The following NUP153 variants were observed in gnomAD, a reference collection of about 807,000 sequenced individuals.
The protein encoded by NUP153 is nuclear pore complex protein Nup153.
Under a neutral mutation model 134.6 loss-of-function variants are expected in NUP153, and 27 were observed. The observed-to-expected ratio is 0.20, with a 90% CI of 0.15 to 0.28. The LOEUF (loss-of-function observed/expected upper bound fraction) is 0.28. Ranked by LOEUF, NUP153 falls within the 10% of genes least tolerant of loss-of-function variation. The pLI is 1.00. For missense variants in NUP153, 1,821 were observed against 1,731.3 expected, an observed-to-expected ratio of 1.05 and a Z score of -0.92; for synonymous variants, 640 against 623.5, an observed-to-expected ratio of 1.03 and a Z score of -0.40.
In NUP153 at chr6:17,641,147, T is replaced by TA. The variant is rs553051654; in HGVS notation, c.1721-1084dup. On this transcript the variant is annotated intron_variant, in intron 14 of 21. Coordinates refer to ENST00000262077, the MANE Select transcript of NUP153 (RefSeq NM_005124.4). ...TTAAGGGGCGATTTCTATTTACAGA[T>TA]AAAACTAAGATGTTTGGGATTGTTG... Among the ~76,000 whole-genome samples, 5 of 152,306 alleles carry TA rather than the reference T, an allele frequency of 3.3e-5. No individual in the cohort carries two copies. The East Asian group carries it at 9.6e-4, about 29-fold the overall frequency.
At position 17,678,352 on chromosome 6, in the gene NUP153, C is replaced by CAAAAAAAA. The variant is rs11428582; in HGVS notation, c.335-2590_335-2583dup. 6.3e-4 allele frequency among the ~76,000 whole-genome samples: 43 copies of CAAAAAAAA among 68,218 alleles called. 1 individual carries two copies. Among genetic ancestry groups the CAAAAAAAA allele is most frequent in the African/African-American group, 2.2e-3 (35 of 15,710 alleles). 44.8% of individuals were successfully genotyped at this position (68,218 alleles called of 152,430 possible). On this transcript the variant is annotated intron_variant, in intron 2 of 21. Coordinates refer to ENST00000262077, the MANE Select transcript of NUP153 (RefSeq NM_005124.4). ...GCCTGGTTGACAGAACCCTCTGTCT[C>CAAAAAAAA]AAAAAAAAAAAAAAAAAAAAAAAGA...
At chr6:17,668,854 G>A (rs1767715704) in intron 8 of NUP153, 121 bp downstream of exon 8, 4 of 617,774 alleles carry the variant, frequency 6.5e-6, no homozygotes, top group Non-Finnish European at 2.7e-6. Flanking sequence ...AAAAAAAAAA[G>A]AATATTATTT....
chr6:17,647,669 A>AGTTT lies in NUP153; in HGVS notation c.1632+134_1632+137dup, dbSNP rs1408933330. Reference sequence around the variant, plus strand: ...AGTGAAGAATACATGATTGTTCAAAAGTTTTTTACACAGAGTATTTTTTAA... The same window carrying AGTTT: ...AGTGAAGAATACATGATTGTTCAAAAGTTTGTTTTTTACACAGAGTATTTTTTAA... On this transcript the variant is annotated intron_variant, in intron 13 of 21. Transcript: ENST00000262077. 4.9e-6 allele frequency: 3 copies of AGTTT among 611,830 alleles called. No homozygotes were observed. In the African/African-American group the frequency reaches 5.6e-5, roughly 11 times the overall value. The allele number at this position is 611,830 out of a possible 1,614,324, so 37.9% of individuals were successfully genotyped here.
intron 11 of NUP153, among the ~76,000 whole-genome samples, chr6:17,650,115 G>A (rs956026333): frequency 6.6e-6 from 1 of 152,118 alleles, no homozygotes; most frequent in Non-Finnish European, 1.5e-5. Flanking sequence ...CCTGATAAAC[G>A]TTTAGATATA....
In NUP153 at chr6:17,646,056, T is replaced by C. The variant is rs916164430; in HGVS notation, c.1720+11A>G. ...TGTTTGTATGTTAAAATGTAAGAAA[T>C]TTTTACTTACCTGAACTACTTATAA... On this transcript the variant is annotated intron_variant, in intron 14 of 21. Transcript: ENST00000262077. The C allele has an allele frequency of 1.5e-6, 2 of 1,361,270 alleles. No individual in the cohort carries two copies. The highest frequency in any genetic ancestry group is 2.1e-6 in the Non-Finnish European group (2 of 964,604). 84.3% of individuals were successfully genotyped at this position (1,361,270 alleles called of 1,614,324 possible). A position where few individuals can be genotyped will look rare whatever the true frequency, so the allele number is the denominator to read the frequency against.
chr6:17,633,267 T>C (rs1284676587), intron 16 of NUP153, among the ~76,000 whole-genome samples: 5 of 152,166 alleles, frequency 3.3e-5, no homozygotes, highest in Admixed American at 6.5e-5. Context: ...GTAGGCAATA[T>C]CCTAACATAT....
chr6:17,654,498 T>G (rs1158154425), intron 11 of NUP153, among the ~76,000 whole-genome samples: 1 of 152,144 alleles, frequency 6.6e-6, no homozygotes, highest in Non-Finnish European at 1.5e-5. Context: ...ATTTTTGTAT[T>G]TTTAGTACAG....
At chr6:17,693,823 TTGCAGTGAGCTGAGATCGTGCCAC>T (rs1021955500) in intron 1 of NUP153, among the ~76,000 whole-genome samples, 8 of 152,054 alleles carry the variant, frequency 5.3e-5, no homozygotes, top group Non-Finnish European at 1.0e-4. Flanking sequence ...GAGGCAGAGG[TTGCAGTGAGCTGAGATCGTGCCAC>T]TGCACTCCAG....
intron 17 of NUP153, among the ~76,000 whole-genome samples, chr6:17,630,083 G>C (rs1332871266): frequency 1.3e-5 from 2 of 152,176 alleles, no homozygotes; most frequent in Non-Finnish European, 2.9e-5. Context: ...GCGGTATACA[G>C]ACTTTTCTAA....
Position 17,628,395 on chromosome 6 carries a change from T to C in NUP153, c.3544+260A>G, listed in dbSNP as rs1765053552. ...CCCAAACAGAAGAGAAAGACACACA[T>C]AAATATGCACTATATTGAGCTTTGC... On this transcript the variant is annotated intron_variant, in intron 18 of 21. Coordinates refer to ENST00000262077, the MANE Select transcript of NUP153 (RefSeq NM_005124.4). The surrounding 1 kb of genome is among the most constrained non-coding windows in gnomAD (Gnocchi z 5.4). Among the ~76,000 whole-genome samples, 1 of 152,150 alleles carries C rather than the reference T, an allele frequency of 6.6e-6. No individual in the cohort carries two copies. The highest frequency in any genetic ancestry group is 6.5e-5 in the Admixed American group (1 of 15,270).
chr6:17,667,065 C>G (rs1767579766), intron 8 of NUP153, among the ~76,000 whole-genome samples: 1 of 152,142 alleles, frequency 6.6e-6, no homozygotes, highest in South Asian at 2.1e-4. Flanking sequence ...CGATACTCAA[C>G]CATTAGTAAA....
chr6:17,677,742 T>C (rs976109127), intron 2 of NUP153, among the ~76,000 whole-genome samples: 9 of 150,156 alleles, frequency 6.0e-5, no homozygotes, highest in South Asian at 2.1e-4. Context: ...CTTTTTTTTT[T>C]TTTTTTTGAG....
chr6:17,628,860 A>G lies in NUP153; in HGVS notation c.3339T>C (p.Ser1113=), dbSNP rs61734900. 9.8e-3 allele frequency: 15,768 copies of G among 1,614,222 alleles called. 111 individuals carry two copies. Among genetic ancestry groups the G allele is most frequent in the Middle Eastern group, 0.012 (73 of 6,060 alleles). Residue 1113 remains serine (S), a synonymous_variant, in exon 18 of 22, where the codon TCT becomes TCC. Coordinates refer to ENST00000262077, the MANE Select transcript of NUP153 (RefSeq NM_005124.4). This position sits in a 1 kb window ranked among gnomAD's most constrained non-coding sequence, Gnocchi z 5.4. ...CTTTCTTCCCAAAAACTAGGGAAGT[A>G]GAAGTGACAGGCTCTTGCTGTTTCT... is the stretch of plus-strand genomic sequence containing the variant. ...TEEKQQEPVT[S]TSLVFGKKAD...
chr6:17,616,986 G>A (rs186243510), intron 20 of NUP153, among the ~76,000 whole-genome samples: 1 of 152,290 alleles, frequency 6.6e-6, no homozygotes, highest in African/African-American at 2.4e-5. Context: ...TCCTGACCTT[G>A]TGATCTGTCC....
intron 1 of NUP153, among the ~76,000 whole-genome samples, chr6:17,692,327 G>T (rs1769332438): frequency 6.6e-6 from 1 of 152,190 alleles, no homozygotes; most frequent in South Asian, 2.1e-4. Flanking sequence ...GTGGCACAGT[G>T]AATGACAGCA....
intron 1 of NUP153, among the ~76,000 whole-genome samples, chr6:17,698,874 A>G (rs1221923640): frequency 1.3e-5 from 2 of 152,032 alleles, no homozygotes. Flanking sequence ...CTGTCTTAAA[A>G]AAAAAAAAAG....
intron 1 of NUP153, among the ~76,000 whole-genome samples, chr6:17,689,469 C>T (rs1769149219): frequency 2.0e-5 from 3 of 151,510 alleles, no homozygotes; most frequent in Admixed American, 6.6e-5. Context: ...AAAATCTTTT[C>T]TGATGTTGAC....
intron 1 of NUP153, among the ~76,000 whole-genome samples, chr6:17,691,997 AT>A (rs1247570115): frequency 6.6e-6 from 1 of 152,146 alleles, no homozygotes; most frequent in Non-Finnish European, 1.5e-5. Flanking sequence ...AGATTTAAAA[AT>A]TTTTTGGGGG....
chr6:17,688,459 C>T lies in NUP153; in HGVS notation c.271G>A (p.Glu91Lys), dbSNP rs753314232. The change falls in exon 2 of 22, where the codon GAG (glutamate) becomes AAG (lysine). Residue 91 changes from glutamate to lysine, a missense_variant. Transcript: ENST00000262077. ...CCATCAGTAATATTAGAGCTCTCCT[C>T]ATCGGCATATACCAGATGGTCCTCT... ...NKEDHLVYAD[E>K]ESSNITDGRI... 1 of 1,614,182 alleles carries T rather than the reference C, an allele frequency of 6.2e-7. No homozygotes were observed. Among genetic ancestry groups the T allele is most frequent in the Non-Finnish European group, 8.5e-7 (1 of 1,180,024 alleles).
Sources: gnomAD v4.1 joint callset for allele counts (sites outside exome capture counted in the v4.1 genomes callset) on GRCh38, gnomAD v4.1.1 for gene constraint, Gnocchi (gnomAD v3.1) non-coding constraint, MANE v1.5 for transcripts, NCBI Gene and HGNC (gene_info 2026-07-23, HGNC 2026-07-21) for gene names.